XPO4: variants seen among roughly 807,000 people sequenced by gnomAD.
The protein encoded by XPO4 is exportin-4.
Under a neutral mutation model 143.0 loss-of-function variants are expected in XPO4, and 39 were observed. That is an observed-to-expected ratio of 0.27 (90% CI 0.21 to 0.36). The LOEUF is 0.36. Among genes scored for constraint, XPO4 ranks in the 10% least tolerant of loss-of-function variants. The pLI is 1.00. For synonymous variants in XPO4, 439 were observed against 474.0 expected (o/e 0.93, Z 0.96); for missense variants, 907 against 1,348.0 (o/e 0.67, Z 5.12).
At chr13:20,807,314 G>T in intron 13 of XPO4, 143 bp downstream of exon 13, 1 of 760,002 alleles carries the variant, frequency 1.3e-6, no homozygotes, top group Non-Finnish European at 2.0e-6. Context: ...CCATCCTTGT[G>T]TATTTCAAGG....
At chr13:20,899,118 G>A (rs2060595992) in intron 1 of XPO4, among the ~76,000 whole-genome samples, 1 of 152,112 alleles carries the variant, frequency 6.6e-6, no homozygotes. Context: ...GGGGATCGGG[G>A]GGACTTAAGT....
intron 4 of XPO4, chr13:20,849,866 G>A: frequency 1.1e-6 from 1 of 949,812 alleles, no homozygotes; most frequent in Non-Finnish European, 1.3e-6. Context: ...AGCACTTTGG[G>A]AGGCTGAAGT....
chr13:20,809,210 C>A lies in XPO4; in HGVS notation c.1366G>T (p.Ala456Ser). ...CTTATTTCTTCCTCCTCACGAGAGG[C>A]CACACCATTGGCAGTCTATTGCAAG... The part of the protein sequence containing the change: ...GTRNLTANGV[A>S]SREEEEISEL... The change falls in exon 11 of 23, where the codon GCC becomes TCC. Residue 456 changes from alanine to serine, a missense_variant. Coordinates refer to ENST00000255305, the MANE Select transcript of XPO4 (RefSeq NM_022459.5). 3 of 1,613,804 alleles carry A rather than the reference C, an allele frequency of 1.9e-6. No homozygotes were observed. Among genetic ancestry groups the A allele is most frequent in the Non-Finnish European group, 8.5e-7 (1 of 1,179,876 alleles).
At chr13:20,837,039 G>A (rs765982615) in intron 6 of XPO4, among the ~76,000 whole-genome samples, 6 of 152,108 alleles carry the variant, frequency 3.9e-5, no homozygotes, top group Non-Finnish European at 5.9e-5. Context: ...CATTATATGG[G>A]TATACCACAT....
At chr13:20,813,585 A>C (rs1268888091) in intron 9 of XPO4, among the ~76,000 whole-genome samples, 1 of 152,110 alleles carries the variant, frequency 6.6e-6, no homozygotes, top group Non-Finnish European at 1.5e-5. Flanking sequence ...CTTTCGGAAA[A>C]ATTTGACACT....
chr13:20,883,995 A>G (rs1595161458), intron 1 of XPO4, among the ~76,000 whole-genome samples: 1 of 152,014 alleles, frequency 6.6e-6, no homozygotes, highest in African/African-American at 2.4e-5. Flanking sequence ...TGAACTCCCA[A>G]CCTCAGGTGA....
At chr13:20,875,097 G>A (rs900275751) in intron 1 of XPO4, among the ~76,000 whole-genome samples, 7 of 152,270 alleles carry the variant, frequency 4.6e-5, no homozygotes, top group East Asian at 1.9e-4. Flanking sequence ...ATTAGAAAAC[G>A]ATAGATGTAC....
chr13:20,793,977 G>A (rs1371720748), intron 18 of XPO4, among the ~76,000 whole-genome samples: 1 of 152,154 alleles, frequency 6.6e-6, no homozygotes. Flanking sequence ...ATTTCCTAAA[G>A]GGGCCTTCAA....
chr13:20,831,804 A>ATTTTTT (rs34302388), intron 6 of XPO4, among the ~76,000 whole-genome samples: 19 of 88,748 alleles, frequency 2.1e-4, no homozygotes, highest in South Asian at 9.3e-4. Context: ...TAGTACAGTG[A>ATTTTTT]TTTTTTTTTT....
intron 6 of XPO4, among the ~76,000 whole-genome samples, chr13:20,842,437 C>T (rs2059985871): frequency 6.6e-6 from 1 of 152,056 alleles, no homozygotes; most frequent in Admixed American, 6.6e-5. Flanking sequence ...GAAGAGTAAA[C>T]ATATTACTAA....
At chr13:20,898,548 G>C (rs1461543654) in intron 1 of XPO4, among the ~76,000 whole-genome samples, 2 of 151,628 alleles carry the variant, frequency 1.3e-5, no homozygotes, top group African/African-American at 4.8e-5. Flanking sequence ...CTGGGCAAGA[G>C]TAAGACTGTC....
At position 20,803,994 on chromosome 13, in the gene XPO4, G is replaced by A. The variant is rs2059469102; in HGVS notation, c.1818-3004C>T. Among the ~76,000 whole-genome samples, 1 of 152,082 alleles carries A rather than the reference G, an allele frequency of 6.6e-6. No individual in the cohort carries two copies. The highest frequency in any genetic ancestry group is 1.5e-5 in the Non-Finnish European group (1 of 68,030). ...GATATTCTGACATCTGGAGAACAAAGGCATTCCTAATTTTGCTTTAAAGAT... is the reference window on the plus strand; with the variant it reads ...GATATTCTGACATCTGGAGAACAAAAGCATTCCTAATTTTGCTTTAAAGAT... On this transcript the variant is annotated intron_variant, in intron 13 of 22. Transcript: ENST00000255305. The surrounding 1 kb of genome is among the most constrained non-coding windows in gnomAD (Gnocchi z 4.1).
In XPO4 at chr13:20,779,018, C is replaced by T. The variant is rs1406667140; in HGVS notation, c.*4704G>A. ...ATTTCCTAAAATCATATTGCAGCAT[C>T]TTCTGAAAAACTAAATGCAATTTTA... On this transcript the variant is annotated 3_prime_UTR_variant, in exon 23 of 23. Coordinates refer to ENST00000255305, the MANE Select transcript of XPO4 (RefSeq NM_022459.5). 6.6e-6 allele frequency: 1 copy of T among 152,138 alleles called. No individual in the cohort carries two copies. Among genetic ancestry groups the T allele is most frequent in the Non-Finnish European group, 1.5e-5 (1 of 68,030 alleles). 9.4% of individuals were successfully genotyped at this position (152,138 alleles called of 1,614,324 possible).
intron 1 of XPO4, chr13:20,869,367 A>C (rs2060272806): frequency 3.9e-6 from 1 of 259,130 alleles, no homozygotes; most frequent in African/African-American, 2.3e-5. Flanking sequence ...TAAAGATAAT[A>C]ATCTTCTGAG....
chr13:20,851,883 C>A (rs1251355624), intron 4 of XPO4: 1 of 985,374 alleles, frequency 1.0e-6, no homozygotes, highest in Non-Finnish European at 1.2e-6. Flanking sequence ...CTGTTCCAAT[C>A]ATTCTCAGAA....
chr13:20,856,494 C>A, intron 3 of XPO4: 1 of 379,650 alleles, frequency 2.6e-6, no homozygotes. Context: ...AACATAATCC[C>A]AAACTTTATA....
At chr13:20,805,377 T>C (rs2059490079) in intron 13 of XPO4, among the ~76,000 whole-genome samples, 1 of 152,176 alleles carries the variant, frequency 6.6e-6, no homozygotes, top group African/African-American at 2.4e-5. Context: ...TAAGACCTTC[T>C]CTGTTTTCCC....
chr13:20,902,137 G>C (rs553817404), intron 1 of XPO4: 3 of 985,366 alleles, frequency 3.0e-6, no homozygotes, highest in South Asian at 9.4e-5. Flanking sequence ...CCTCCAGCCG[G>C]CCCGGCCCTT....
intron 1 of XPO4, among the ~76,000 whole-genome samples, chr13:20,886,844 C>T (rs965197989): frequency 6.6e-6 from 1 of 152,032 alleles, no homozygotes; most frequent in Non-Finnish European, 1.5e-5. Context: ...GAGGCCAAGG[C>T]GGGCGTATCA....
Sources: allele counts gnomAD v4.1 joint callset (sites outside exome capture counted in the v4.1 genomes callset), GRCh38; gene constraint gnomAD v4.1.1; non-coding constraint Gnocchi (gnomAD v3.1); transcripts MANE v1.5; gene names NCBI Gene and HGNC (gene_info 2026-07-23, HGNC 2026-07-21).